TRAPPC9: variants seen among roughly 807,000 people sequenced by gnomAD.
The protein encoded by TRAPPC9 is trafficking protein particle complex subunit 9.
In TRAPPC9, 83 loss-of-function variants were observed where a neutral mutation model predicts 124.0. The ratio of observed to expected loss-of-function variants is 0.67; its 90% CI spans 0.56 to 0.80. The LOEUF is 0.80. TRAPPC9 is among the 30% of genes least tolerant of loss of function. The probability of loss-of-function intolerance (pLI) is 0.00; values close to 1 mark genes in which losing one functional copy is unlikely to be tolerated. For missense variants in TRAPPC9, 1,302 were observed against 1,508.3 expected, an observed-to-expected ratio of 0.86 and a Z score of 2.27; for synonymous variants, 638 against 617.5, an observed-to-expected ratio of 1.03 and a Z score of -0.49.
chr8:140,150,193 A>T (rs540065119), intron 17 of TRAPPC9, among the ~76,000 whole-genome samples: 1 of 152,322 alleles, frequency 6.6e-6, no homozygotes, highest in South Asian at 2.1e-4. Flanking sequence ...CACACCTGTA[A>T]TCCCACCACT....
chr8:139,872,524 G>GTGGATGGATGGA (rs1157400722), intron 21 of TRAPPC9, among the ~76,000 whole-genome samples: 2 of 97,016 alleles, frequency 2.1e-5, no homozygotes, highest in Admixed American at 1.3e-4. Flanking sequence ...GGATAAGTGG[G>GTGGATGGATGGA]TGGATGGATG....
At chr8:139,932,317 G>C (rs1833210223) in intron 19 of TRAPPC9, 1 of 457,886 alleles carries the variant, frequency 2.2e-6, no homozygotes, top group Non-Finnish European at 4.4e-6. Context: ...GTGGATGTCA[G>C]GCTTGGCCAC....
chr8:140,434,728 T>A lies in TRAPPC9; in HGVS notation c.859+384A>T, dbSNP rs531053039. 6.6e-5 allele frequency among the ~76,000 whole-genome samples: 10 copies of A among 152,236 alleles called. No homozygotes were observed. In the East Asian group the frequency reaches 1.9e-3, roughly 29 times the overall value. On this transcript the variant is annotated intron_variant, in intron 4 of 22. Coordinates refer to ENST00000438773, the MANE Select transcript of TRAPPC9 (RefSeq NM_001160372.4). ...GCTCACGCCTGTAATCCCAGCACTT[T>A]GGGAGGCCGAGGCGGGTGGATCACG...
At chr8:140,437,716 G>C (rs1260630324) in intron 3 of TRAPPC9, among the ~76,000 whole-genome samples, 1 of 152,154 alleles carries the variant, frequency 6.6e-6, no homozygotes, top group African/African-American at 2.4e-5. Context: ...ATTCCGACTT[G>C]TATTATCATA....
At chr8:139,950,872 C>CA (rs769296839) in intron 19 of TRAPPC9, among the ~76,000 whole-genome samples, 1 of 152,192 alleles carries the variant, frequency 6.6e-6, no homozygotes, top group Non-Finnish European at 1.5e-5. Flanking sequence ...TGGTATGCAC[C>CA]AAAACACATG....
intron 21 of TRAPPC9, among the ~76,000 whole-genome samples, chr8:139,755,084 G>A (rs998859406): frequency 8.5e-5 from 13 of 152,260 alleles, no homozygotes; most frequent in African/African-American, 3.1e-4. Context: ...GAGGTCACCT[G>A]AGAGGTCGTT....
chr8:140,447,022 G>A (rs1025967755), intron 2 of TRAPPC9, among the ~76,000 whole-genome samples: 6 of 152,142 alleles, frequency 3.9e-5, no homozygotes, highest in African/African-American at 9.7e-5. Context: ...AGCCACAGCC[G>A]GGAATCACAG....
chr8:140,418,074 T>A (rs149239649), intron 5 of TRAPPC9, among the ~76,000 whole-genome samples: 46 of 152,194 alleles, frequency 3.0e-4, no homozygotes, highest in African/African-American at 1.0e-3. Flanking sequence ...AATGGGGGGC[T>A]AGGGGAAGGA....
Position 139,800,147 on chromosome 8 carries a change from G to A in TRAPPC9, c.3056-67945C>T, listed in dbSNP as rs115802657. Reference sequence around the variant, plus strand: ...GGACGGGCCAGACTGCGCTCCTGCCGCTGGGGCGCCTTTGGCTGAGGTCCC... The same window carrying A: ...GGACGGGCCAGACTGCGCTCCTGCCACTGGGGCGCCTTTGGCTGAGGTCCC... On this transcript the variant is annotated intron_variant, in intron 21 of 22. Coordinates refer to ENST00000438773, the MANE Select transcript of TRAPPC9 (RefSeq NM_001160372.4). Among the ~76,000 whole-genome samples the A allele has an allele frequency of 2.0e-3, 301 of 152,382 alleles. 1 individual carries two copies. The highest frequency in any genetic ancestry group is 6.9e-3 in the African/African-American group (288 of 41,592).
rs182606932 is a variant in TRAPPC9, at chr8:139,743,553, G to A, written c.3056-11351C>T. On this transcript the variant is annotated intron_variant, in intron 21 of 22. Transcript: ENST00000438773. ...TTTCTAGTTGACATAAATCTTGGGC[G>A]GTCCTAAATTTTAGAGCCAAATTTG... is the stretch of plus-strand genomic sequence containing the variant. Among the ~76,000 whole-genome samples the A allele has an allele frequency of 8.0e-4, 122 of 152,210 alleles. 1 individual carries two copies. Among genetic ancestry groups the A allele is most frequent in the Admixed American group, 3.9e-3 (60 of 15,300 alleles).
At chr8:140,456,481 G>C (rs2071670974) in intron 1 of TRAPPC9, among the ~76,000 whole-genome samples, 1 of 151,000 alleles carries the variant, frequency 6.6e-6, no homozygotes, top group African/African-American at 2.4e-5. Context: ...GCAGGTAATC[G>C]AGGCTCAATG....
At chr8:139,966,946 T>G (rs1835745652) in intron 19 of TRAPPC9, among the ~76,000 whole-genome samples, 1 of 152,126 alleles carries the variant, frequency 6.6e-6, no homozygotes, top group South Asian at 2.1e-4. Flanking sequence ...AGATGACATA[T>G]TAACATAGGG....
chr8:140,005,873 T>G (rs116155603), intron 18 of TRAPPC9, among the ~76,000 whole-genome samples: 118 of 149,388 alleles, frequency 7.9e-4, no homozygotes, highest in African/African-American at 2.8e-3. Flanking sequence ...GATCACACCA[T>G]TGTACTCCAG....
At position 140,392,224 on chromosome 8, in the gene TRAPPC9, T is replaced by C. The variant is rs1319665216; in HGVS notation, c.1134+5396A>G. Among the ~76,000 whole-genome samples the C allele has an allele frequency of 3.3e-5, 5 of 152,308 alleles. No homozygotes were observed. In the East Asian group the frequency reaches 9.6e-4, roughly 29 times the overall value. ...ATCCTTAAAATGGAGCGTAATAAACTACTTTGCAAAGTTGTTGTGATGATT... is the reference window on the plus strand; with the variant it reads ...ATCCTTAAAATGGAGCGTAATAAACCACTTTGCAAAGTTGTTGTGATGATT... On this transcript the variant is annotated intron_variant, in intron 7 of 22. Transcript: ENST00000438773.
chr8:140,064,392 G>A (rs1351708067), intron 17 of TRAPPC9, among the ~76,000 whole-genome samples: 4 of 152,160 alleles, frequency 2.6e-5, no homozygotes, highest in African/African-American at 9.7e-5. Flanking sequence ...GCACAGGAGC[G>A]ACAAGGAGGC....
At chr8:140,452,677 G>A (rs1418008889) in intron 1 of TRAPPC9, among the ~76,000 whole-genome samples, 3 of 152,158 alleles carry the variant, frequency 2.0e-5, no homozygotes, top group Admixed American at 6.6e-5. Flanking sequence ...GATGACCCAC[G>A]TGAAAGAATC....
chr8:140,221,361 C>A (rs1465666294), intron 17 of TRAPPC9, 98 bp downstream of exon 17: 1 of 1,532,960 alleles, frequency 6.5e-7, no homozygotes, highest in African/African-American at 1.4e-5. Context: ...ATACACATAG[C>A]CTTTCCTTTC....
At chr8:139,928,312 C>T (rs574575374) in intron 19 of TRAPPC9, among the ~76,000 whole-genome samples, 4 of 152,058 alleles carry the variant, frequency 2.6e-5, no homozygotes, top group Non-Finnish European at 5.9e-5. Context: ...GCCAACATGG[C>T]AAAATGCCGT....
chr8:140,112,162 C>T (rs887016557), intron 17 of TRAPPC9, among the ~76,000 whole-genome samples: 3 of 151,514 alleles, frequency 2.0e-5, no homozygotes, highest in African/African-American at 4.9e-5. Context: ...GAATTCCAGA[C>T]GATGGTGCGA....
Sources: allele counts gnomAD v4.1 joint callset (sites outside exome capture counted in the v4.1 genomes callset), GRCh38; gene constraint gnomAD v4.1.1; transcripts MANE v1.5; gene names NCBI Gene and HGNC (gene_info 2026-07-23, HGNC 2026-07-21).